The following PLCG1 variants were observed in gnomAD, a reference collection of about 807,000 sequenced individuals.
The protein encoded by PLCG1 is 1-phosphatidylinositol 4,5-bisphosphate phosphodiesterase gamma-1.
Under a neutral mutation model 177.8 loss-of-function variants are expected in PLCG1, and 71 were observed. The observed-to-expected ratio is 0.40, with a 90% CI of 0.33 to 0.49. The LOEUF is 0.49. PLCG1 is among the 20% of genes least tolerant of loss of function. The pLI, the probability that PLCG1 is intolerant of heterozygous loss-of-function variation, is 0.72. For synonymous variants in PLCG1, 658 were observed against 647.9 expected (o/e 1.02, Z -0.24); for missense variants, 1,281 against 1,709.0 (o/e 0.75, Z 4.42).
At chr20:41,155,961 G>A (rs1260448100) in intron 1 of PLCG1, among the ~76,000 whole-genome samples, 1 of 152,196 alleles carries the variant, frequency 6.6e-6, no homozygotes, top group East Asian at 1.9e-4. Context: ...GAAGGGGATG[G>A]TCAGGGAAAG....
rs758163022 is a variant in PLCG1, at chr20:41,165,401, A to G, written c.1509+34A>G. 3 of 1,613,860 alleles carry G rather than the reference A, an allele frequency of 1.9e-6. No homozygotes were observed. Among genetic ancestry groups the G allele is most frequent in the Non-Finnish European group, 2.5e-6 (3 of 1,179,900 alleles). ...TGGGCCAGGCTGGGGGTGGTAGGCC[A>G]GTGGGTGTGAGGACCCTGGCTCACA... On this transcript the variant is annotated intron_variant, in intron 14 of 31. Transcript: ENST00000685551. The surrounding 1 kb of genome is among the most constrained non-coding windows in gnomAD (Gnocchi z 6.6).
chr20:41,137,921 C>G lies in PLCG1; in HGVS notation c.217+63C>G. On this transcript the variant is annotated intron_variant, in intron 1 of 31. Coordinates refer to ENST00000685551, the MANE Select transcript of PLCG1 (RefSeq NM_002660.3). The surrounding 1 kb of genome is among the most constrained non-coding windows in gnomAD (Gnocchi z 7.3). ...CGGGGGTCGTGGGAGCCCGGCCCGA[C>G]TGCTTGCACCCCGGCCGGCCGCCCC... The G allele has an allele frequency of 1.8e-6, 2 of 1,115,660 alleles. No homozygotes were observed. The highest frequency in any genetic ancestry group is 2.3e-6 in the Non-Finnish European group (2 of 869,828). 69.1% of individuals were successfully genotyped at this position (1,115,660 alleles called of 1,614,324 possible).
Position 41,137,800 on chromosome 20 carries a change from C to A in PLCG1, c.159C>A (p.Val53=). ...GACCCGAGCGGAAGACCTTCCAGGT[C>A]AAGCTGGAGACGCGCCAGATCACGT... ...SQRPERKTFQ[V]KLETRQITWS... Residue 53 remains valine (V), a synonymous_variant, in exon 1 of 32, where the codon GTC becomes GTA. Coordinates refer to ENST00000685551, the MANE Select transcript of PLCG1 (RefSeq NM_002660.3). The surrounding 1 kb of genome is among the most constrained non-coding windows in gnomAD (Gnocchi z 7.3). The A allele has an allele frequency of 7.7e-7, 1 of 1,302,466 alleles. No homozygotes were observed. The highest frequency in any genetic ancestry group is 3.1e-5 in the South Asian group (1 of 31,816). 80.7% of individuals were successfully genotyped at this position (1,302,466 alleles called of 1,614,324 possible).
chr20:41,169,494 G>A lies in PLCG1; in HGVS notation c.2618G>A (p.Arg873Gln). ...DENSPLGDLL[R>Q]GVLDVPACQI... ...AACAGCCCCCTAGGGGACTTGCTGC[G>A]GGGGGTCTTGGATGTGCCGGCTTGT... Residue 873 changes from arginine to glutamine, a missense_variant, in exon 23 of 32, where the codon CGG becomes CAG. Coordinates refer to ENST00000685551, the MANE Select transcript of PLCG1 (RefSeq NM_002660.3). 2 of 1,613,386 alleles carry A rather than the reference G, an allele frequency of 1.2e-6. No individual in the cohort carries two copies. The highest frequency in any genetic ancestry group is 1.7e-6 in the Non-Finnish European group (2 of 1,179,444).
At chr20:41,162,819 G>T in intron 6 of PLCG1, 94 bp downstream of exon 6, 1 of 1,354,888 alleles carries the variant, frequency 7.4e-7, no homozygotes, top group South Asian at 1.2e-5. Flanking sequence ...CCCTGCTTAG[G>T]GGCTTTTGGG....
rs2035668899 is a variant in PLCG1, at chr20:41,165,851, A to G, written c.1799+25A>G. On this transcript the variant is annotated intron_variant, in intron 16 of 31. Transcript: ENST00000685551. The surrounding 1 kb of genome is among the most constrained non-coding windows in gnomAD (Gnocchi z 6.6). ...GGTAACACTTCCCATGCAGATGCGT[A>G]TGTTCAGTCAGCGTGTGTACACAGA... The G allele has an allele frequency of 5.2e-6, 8 of 1,526,626 alleles. No individual in the cohort carries two copies. The highest frequency in any genetic ancestry group is 4.9e-5 in the South Asian group (4 of 82,316). 94.6% of individuals were successfully genotyped at this position (1,526,626 alleles called of 1,614,324 possible).
Position 41,164,919 on chromosome 20 carries a change from C to G in PLCG1, c.1218-14C>G. On this transcript the variant is annotated splice_polypyrimidine_tract_variant and intron_variant, in intron 12 of 31. Coordinates refer to ENST00000685551, the MANE Select transcript of PLCG1 (RefSeq NM_002660.3). The surrounding 1 kb of genome is among the most constrained non-coding windows in gnomAD (Gnocchi z 6.4). The stretch of plus-strand genomic sequence containing the variant: ...GCAGAATCTGTTTCACTGTGCTTGT[C>G]CCCCATCCCGCAGGTACCCAGTCAT... 5 of 1,610,490 alleles carry G rather than the reference C, an allele frequency of 3.1e-6. No homozygotes were observed. Among genetic ancestry groups the G allele is most frequent in the Non-Finnish European group, 3.4e-6 (4 of 1,177,640 alleles).
At position 41,174,422 on chromosome 20, in the gene PLCG1, G is replaced by C; in HGVS notation, c.3834-45G>C. ...TTGTAATATTGTCTGGCATTGGGCT[G>C]CAAGGCCCTGCCTGCCAGTAAGGAC... On this transcript the variant is annotated intron_variant, in intron 31 of 31. Transcript: ENST00000685551. The surrounding 1 kb of genome is among the most constrained non-coding windows in gnomAD (Gnocchi z 5.8). 6.3e-7 allele frequency: 1 copy of C among 1,588,428 alleles called. No homozygotes were observed. Among genetic ancestry groups the C allele is most frequent in the Non-Finnish European group, 8.6e-7 (1 of 1,164,316 alleles).
chr20:41,170,362 T>C (rs772713955), intron 24 of PLCG1, 93 bp downstream of exon 24: 1 of 1,390,610 alleles, frequency 7.2e-7, no homozygotes, highest in Non-Finnish European at 1.0e-6. Context: ...CTCAGAGCAG[T>C]GGGGCAGCCG....
At chr20:41,169,239 A>G in intron 22 of PLCG1, 64 bp downstream of exon 22, 2 of 1,244,136 alleles carry the variant, frequency 1.6e-6, no homozygotes, top group Non-Finnish European at 2.4e-6. Flanking sequence ...GCATGCCCCC[A>G]TCACACAGTC....
chr20:41,139,170 A>G (rs1373236445), intron 1 of PLCG1, among the ~76,000 whole-genome samples: 2 of 152,216 alleles, frequency 1.3e-5, no homozygotes, highest in African/African-American at 4.8e-5. Context: ...CAGATCTGAC[A>G]CAGATCTAAT....
At chr20:41,141,443 T>C (rs1031379220) in intron 1 of PLCG1, among the ~76,000 whole-genome samples, 2 of 151,592 alleles carry the variant, frequency 1.3e-5, no homozygotes, top group Non-Finnish European at 2.9e-5. Context: ...AGAAGGGAGG[T>C]AGTAGTGGAA....
Position 41,165,624 on chromosome 20 carries a change from G to C in PLCG1, c.1612-15G>C. ...CCAGGGTCACAGTATCTTTGCTGTT[G>C]CCTTCCCCTGACAGGTCAGCAGCAG... On this transcript the variant is annotated splice_polypyrimidine_tract_variant and intron_variant, in intron 15 of 31. Coordinates refer to ENST00000685551, the MANE Select transcript of PLCG1 (RefSeq NM_002660.3). This position sits in a 1 kb window ranked among gnomAD's most constrained non-coding sequence, Gnocchi z 6.6. The C allele has an allele frequency of 6.2e-7, 1 of 1,612,294 alleles. No homozygotes were observed. Among genetic ancestry groups the C allele is most frequent in the Non-Finnish European group, 8.5e-7 (1 of 1,178,584 alleles).
chr20:41,158,494 C>T (rs560618475), intron 1 of PLCG1, among the ~76,000 whole-genome samples: 1 of 152,338 alleles, frequency 6.6e-6, no homozygotes, highest in Admixed American at 6.5e-5. Flanking sequence ...CAGCCCCTCC[C>T]TGTGCTGGAG....
Position 41,163,031 on chromosome 20 carries a change from C to A in PLCG1, c.716+39C>A, listed in dbSNP as rs1238679140. 6.2e-7 allele frequency: 1 copy of A among 1,602,412 alleles called. No homozygotes were observed. Among genetic ancestry groups the A allele is most frequent in the Admixed American group, 1.7e-5 (1 of 59,996 alleles). The stretch of plus-strand genomic sequence containing the variant: ...TGGGGAGGTGGGGTTTTCCCTGGGC[C>A]CCCTTCATCTCTCCACTGGGCGATT... On this transcript the variant is annotated intron_variant, in intron 7 of 31. Transcript: ENST00000685551. This position sits in a 1 kb window ranked among gnomAD's most constrained non-coding sequence, Gnocchi z 5.2.
chr20:41,174,626 C>T lies in PLCG1; in HGVS notation c.*117C>T, dbSNP rs1463547354. On this transcript the variant is annotated 3_prime_UTR_variant, in exon 32 of 32. Coordinates refer to ENST00000685551, the MANE Select transcript of PLCG1 (RefSeq NM_002660.3). This position sits in a 1 kb window ranked among gnomAD's most constrained non-coding sequence, Gnocchi z 5.8. ...CCTTCCGGGTCTCGCAGCCTGAAGCCTGGATTCCAGCAGTGAATGCTAGAC... is the reference window on the plus strand; with the variant it reads ...CCTTCCGGGTCTCGCAGCCTGAAGCTTGGATTCCAGCAGTGAATGCTAGAC... The T allele has an allele frequency of 1.2e-6, 1 of 860,118 alleles. No homozygotes were observed. The highest frequency in any genetic ancestry group is 2.1e-5 in the Admixed American group (1 of 47,590). 53.3% of individuals were successfully genotyped at this position (860,118 alleles called of 1,614,324 possible). A position where few individuals can be genotyped will look rare whatever the true frequency, so the allele number is the denominator to read the frequency against.
In PLCG1 at chr20:41,147,607, T is replaced by G. The variant is rs2035033509; in HGVS notation, c.217+9749T>G. Among the ~76,000 whole-genome samples the G allele has an allele frequency of 6.6e-6, 1 of 152,136 alleles. No individual in the cohort carries two copies. The highest frequency in any genetic ancestry group is 2.1e-4 in the South Asian group (1 of 4,828). ...GGCTCACGCCTGTAATCCCAGCACT[T>G]TGGGAGGCCAAGGTAGGGGGATCAC... is the stretch of plus-strand genomic sequence containing the variant. On this transcript the variant is annotated intron_variant, in intron 1 of 31. Coordinates refer to ENST00000685551, the MANE Select transcript of PLCG1 (RefSeq NM_002660.3). The surrounding 1 kb of genome is among the most constrained non-coding windows in gnomAD (Gnocchi z 4.0).
intron 4 of PLCG1, among the ~76,000 whole-genome samples, chr20:41,161,754 G>GC (rs1281730935): frequency 6.1e-5 from 7 of 114,936 alleles, no homozygotes; most frequent in South Asian, 3.0e-4. Flanking sequence ...AGGAGAGAAA[G>GC]CCCCCCCCTT....
intron 1 of PLCG1, among the ~76,000 whole-genome samples, chr20:41,154,480 C>T (rs938136998): frequency 4.6e-5 from 7 of 152,246 alleles, no homozygotes; most frequent in African/African-American, 1.7e-4. Flanking sequence ...AGGGTTCCTG[C>T]TGTCCTTGAA....
Sources: gnomAD v4.1 joint callset for allele counts (sites outside exome capture counted in the v4.1 genomes callset) on GRCh38, gnomAD v4.1.1 for gene constraint, Gnocchi (gnomAD v3.1) non-coding constraint, MANE v1.5 for transcripts, NCBI Gene and HGNC (gene_info 2026-07-23, HGNC 2026-07-21) for gene names.